Variants in FOXP2 observed in about 807,000 individuals in gnomAD.
FOXP2 encodes forkhead box P2.
Under a neutral mutation model 115.8 loss-of-function variants are expected in FOXP2, and 12 were observed. The ratio of observed to expected loss-of-function variants is 0.10; its 90% CI spans 0.07 to 0.17. The LOEUF is 0.17. FOXP2 is among the 10% of genes least tolerant of loss of function. FOXP2 has a pLI of 1.00. For synonymous variants in FOXP2, 328 were observed against 297.7 expected, an observed-to-expected ratio of 1.10 and a Z score of -1.05; for missense variants, 629 against 843.5, an observed-to-expected ratio of 0.75 and a Z score of 3.15.
chr7:114,302,611 A>G (rs1225621934), intron 2 of FOXP2, among the ~76,000 whole-genome samples: 1 of 152,224 alleles, frequency 6.6e-6, no homozygotes, highest in African/African-American at 2.4e-5. Context: ...ACACAGAAAG[A>G]TAACTCTATA....
intron 1 of FOXP2, among the ~76,000 whole-genome samples, chr7:114,249,378 C>G (rs766771335): frequency 1.3e-5 from 2 of 152,058 alleles, no homozygotes; most frequent in South Asian, 2.1e-4. Flanking sequence ...CCGTTCCCCC[C>G]AGTAGGCCCC....
intron 1 of FOXP2, among the ~76,000 whole-genome samples, chr7:114,207,382 C>G (rs1391846156): frequency 1.3e-5 from 2 of 152,090 alleles, no homozygotes; most frequent in African/African-American, 4.8e-5. Flanking sequence ...AGTCTCTGTA[C>G]CATTTTAAAA....
At chr7:114,291,409 A>G (rs1342459542) in intron 2 of FOXP2, among the ~76,000 whole-genome samples, 2 of 152,102 alleles carry the variant, frequency 1.3e-5, no homozygotes, top group East Asian at 1.9e-4. Context: ...GGACAACACA[A>G]ATATTCAGTG....
At chr7:114,592,993 G>A (rs536141555) in intron 3 of FOXP2, among the ~76,000 whole-genome samples, 11 of 151,982 alleles carry the variant, frequency 7.2e-5, no homozygotes, top group Admixed American at 3.3e-4. Context: ...TTCAGTACCC[G>A]TATTCACACA....
chr7:114,178,291 A>G (rs1793369381), intron 1 of FOXP2, among the ~76,000 whole-genome samples: 1 of 151,904 alleles, frequency 6.6e-6, no homozygotes, highest in South Asian at 2.1e-4. Context: ...TCTTTAGGTA[A>G]GATCTTTAAA....
At chr7:114,558,663 C>T (rs199703259) in intron 3 of FOXP2, among the ~76,000 whole-genome samples, 4 of 152,266 alleles carry the variant, frequency 2.6e-5, no homozygotes, top group South Asian at 4.2e-4. Context: ...TACCCCACCC[C>T]GTCTCCATTT....
chr7:114,293,507 A>G (rs543863622), intron 2 of FOXP2, among the ~76,000 whole-genome samples: 8 of 152,312 alleles, frequency 5.3e-5, no homozygotes, highest in African/African-American at 1.9e-4. Context: ...CCTGAGCCTC[A>G]GTAACTATTT....
At chr7:114,631,145 C>G in intron 5 of FOXP2, 1 of 279,950 alleles carries the variant, frequency 3.6e-6, no homozygotes, top group Non-Finnish European at 6.9e-6. Context: ...CTCTGCAGAT[C>G]AAACTTATTC....
chr7:114,643,662 G>T (rs931051903), intron 7 of FOXP2, among the ~76,000 whole-genome samples: 1 of 152,068 alleles, frequency 6.6e-6, no homozygotes, highest in Non-Finnish European at 1.5e-5. Flanking sequence ...ATTTATTTAG[G>T]CATCTTGCTC....
chr7:114,249,044 G>A (rs905934239), intron 1 of FOXP2, among the ~76,000 whole-genome samples: 60 of 152,178 alleles, frequency 3.9e-4, no homozygotes, highest in African/African-American at 1.2e-3. Flanking sequence ...ACAAGAAAAA[G>A]TACCTGCTCT....
At chr7:114,459,643 TCTCA>T (rs2129223887) in intron 2 of FOXP2, among the ~76,000 whole-genome samples, 1 of 152,318 alleles carries the variant, frequency 6.6e-6, no homozygotes, top group East Asian at 1.9e-4. Flanking sequence ...TGAGACGGAG[TCTCA>T]CTCAGCCGCC....
chr7:114,348,003 A>G (rs1791387145), intron 2 of FOXP2, among the ~76,000 whole-genome samples: 1 of 152,078 alleles, frequency 6.6e-6, no homozygotes, highest in African/African-American at 2.4e-5. Context: ...GAACTCAAAC[A>G]TTTCTAGATA....
chr7:114,415,429 A>G, intron 1 of FOXP2, 69 bp downstream of exon 1: 2 of 372,876 alleles, frequency 5.4e-6, no homozygotes, highest in South Asian at 4.1e-5. Context: ...CGATTGCTTT[A>G]CTGGTAGATT....
chr7:114,547,104 C>G (rs556295494), intron 3 of FOXP2, among the ~76,000 whole-genome samples: 1 of 152,048 alleles, frequency 6.6e-6, no homozygotes, highest in African/African-American at 2.4e-5. Flanking sequence ...GTCACATTAC[C>G]CAACTCTCTC....
chr7:114,690,128 T>A lies in FOXP2; in HGVS notation c.*202T>A. The A allele has an allele frequency of 2.1e-6, 1 of 468,352 alleles. No individual in the cohort carries two copies. Among genetic ancestry groups the A allele is most frequent in the Non-Finnish European group, 3.8e-6 (1 of 261,624 alleles). The allele number at this position is 468,352 out of a possible 1,614,324, so 29.0% of individuals were successfully genotyped here. Reference sequence around the variant, plus strand: ...TTGCTTGTTTTCTTCTTCTTCTTCTTCTTTTTTTTTTTTTTTTTAGAAAAA... The same window carrying A: ...TTGCTTGTTTTCTTCTTCTTCTTCTACTTTTTTTTTTTTTTTTTAGAAAAA... On this transcript the variant is annotated 3_prime_UTR_variant, in exon 17 of 17. Transcript: ENST00000350908.
intron 2 of FOXP2, among the ~76,000 whole-genome samples, chr7:114,503,836 TTC>T (rs1361981705): frequency 6.6e-6 from 1 of 151,294 alleles, no homozygotes; most frequent in African/African-American, 2.4e-5. Context: ...ATATTGCTGC[TTC>T]TCTGTTTAGT....
At chr7:114,290,742 T>C (rs1796570432) in intron 2 of FOXP2, among the ~76,000 whole-genome samples, 1 of 152,054 alleles carries the variant, frequency 6.6e-6, no homozygotes, top group Non-Finnish European at 1.5e-5. Flanking sequence ...TCAGATTGCC[T>C]GGGTTTGAAT....
At chr7:114,412,582 A>G (rs1050042297), upstream of FOXP2, among the ~76,000 whole-genome samples, 6 of 152,068 alleles carry the variant, frequency 3.9e-5, no homozygotes, top group Non-Finnish European at 8.8e-5. Flanking sequence ...GTGCTTAGTG[A>G]AGCTTGCTAT....
chr7:114,241,412 C>T (rs1338160251), intron 1 of FOXP2, among the ~76,000 whole-genome samples: 1 of 151,992 alleles, frequency 6.6e-6, no homozygotes, highest in Admixed American at 6.6e-5. Context: ...ATTGGCTATG[C>T]TAATTACTAT....
Sources: gnomAD v4.1 joint callset for allele counts (sites outside exome capture counted in the v4.1 genomes callset) on GRCh38, gnomAD v4.1.1 for gene constraint, MANE v1.5 for transcripts, NCBI Gene and HGNC (gene_info 2026-07-23, HGNC 2026-07-21) for gene names.